GNB2: variants seen among roughly 807,000 people sequenced by gnomAD.
GNB2 encodes G protein subunit beta 2.
Under a neutral mutation model 40.7 loss-of-function variants are expected in GNB2, and 7 were observed. The observed-to-expected ratio is 0.17, with a 90% CI of 0.10 to 0.32. The LOEUF is 0.32. GNB2 is among the 10% of genes least tolerant of loss of function. GNB2 has a pLI of 1.00. For missense variants in GNB2, 286 were observed against 473.0 expected (o/e 0.60, Z 3.67); for synonymous variants, 254 against 191.2 (o/e 1.33, Z -2.71).
Position 100,676,280 on chromosome 7 carries a change from G to A in GNB2, c.15G>A (p.Glu5=). The change falls in exon 2 of 10, where the codon GAG becomes GAA. Residue 5 remains glutamate (E), a synonymous_variant. Transcript: ENST00000303210. MSEL[E]QLRQEAEQLR... is the part of the protein sequence containing the mutation. ...GGCCCGGCGCCATGAGTGAGCTGGA[G>A]CAACTGAGACAGGAGGCCGAGCAGC... The A allele has an allele frequency of 1.9e-6, 3 of 1,607,626 alleles. No individual in the cohort carries two copies. The highest frequency in any genetic ancestry group is 2.5e-6 in the Non-Finnish European group (3 of 1,177,706).
At chr7:100,676,655 C>T in intron 3 of GNB2, 38 bp from the exon 4 acceptor site, 1 of 1,555,294 alleles carries the variant, frequency 6.4e-7, no homozygotes, top group Non-Finnish European at 8.9e-7. Flanking sequence ...AGTCCTGCTG[C>T]CTGGGCCTCC....
In GNB2 at chr7:100,679,059, G is replaced by A. The variant is rs1053040990; in HGVS notation, c.*258G>A. On this transcript the variant is annotated 3_prime_UTR_variant, in exon 10 of 10. Transcript: ENST00000303210. ...GGTTGGGGCCTCACCCCTCTGGAGG[G>A]CCGGAGGCAGGAGGTGGAAACCCCA... is the stretch of plus-strand genomic sequence containing the variant. 32 of 449,798 alleles carry A rather than the reference G, an allele frequency of 7.1e-5. No homozygotes were observed. Among genetic ancestry groups the A allele is most frequent in the African/African-American group, 2.4e-4 (12 of 50,482 alleles). 27.9% of individuals were successfully genotyped at this position (449,798 alleles called of 1,614,324 possible). A position where few individuals can be genotyped will look rare whatever the true frequency, so the allele number is the denominator to read the frequency against.
Position 100,676,224 on chromosome 7 carries a change from G to A in GNB2, c.-42G>A, listed in dbSNP as rs1022651099. 2 of 1,276,170 alleles carry A rather than the reference G, an allele frequency of 1.6e-6. No individual in the cohort carries two copies. The highest frequency in any genetic ancestry group is 2.2e-6 in the Non-Finnish European group (2 of 902,576). 79.1% of individuals were successfully genotyped at this position (1,276,170 alleles called of 1,614,324 possible). A position where few individuals can be genotyped will look rare whatever the true frequency, so the allele number is the denominator to read the frequency against. On this transcript the variant is annotated 5_prime_UTR_variant, in exon 2 of 10. Transcript: ENST00000303210. ...CTGCCTCCCCCAGCCCCCGTCCCGC[G>A]GCCCCCAGCCGCCCCCAACCCTGCC... is the stretch of plus-strand genomic sequence containing the variant.
chr7:100,677,474 C>T, intron 5 of GNB2, 24 bp from the exon 6 acceptor site: 2 of 1,613,024 alleles, frequency 1.2e-6, no homozygotes, highest in East Asian at 2.2e-5. Context: ...TGGCTCTGAC[C>T]CCGGCGCTTC....
chr7:100,676,256 G>C lies in GNB2; in HGVS notation c.-10G>C. 1 of 1,594,936 alleles carries C rather than the reference G, an allele frequency of 6.3e-7. No individual in the cohort carries two copies. Among genetic ancestry groups the C allele is most frequent in the Non-Finnish European group, 8.5e-7 (1 of 1,170,722 alleles). Reference sequence around the variant, plus strand: ...AGCCGCCCCCAACCCTGCCCCACGGGCCCGGCGCCATGAGTGAGCTGGAGC... The same window carrying C: ...AGCCGCCCCCAACCCTGCCCCACGGCCCCGGCGCCATGAGTGAGCTGGAGC... On this transcript the variant is annotated 5_prime_UTR_variant, in exon 2 of 10. Transcript: ENST00000303210.
intron 1 of GNB2, chr7:100,675,712 C>G (rs1441498116): frequency 1.3e-5 from 2 of 153,060 alleles, no homozygotes; most frequent in Non-Finnish European, 2.9e-5. Flanking sequence ...CCTCTGGTCT[C>G]TCCCCCCACC....
chr7:100,678,142 C>G lies in GNB2; in HGVS notation c.542C>G (p.Ala181Gly). Residue 181 changes from alanine (A) to glycine (G), a missense_variant, in exon 8 of 10, where the codon GCT (alanine) becomes GGT (glycine). Transcript: ENST00000303210. Reference sequence around the variant, plus strand: ...ACAGGCCAGCAGACAGTGGGTTTTGCTGGACACAGTGGGGATGTGATGTCC... The same window carrying G: ...ACAGGCCAGCAGACAGTGGGTTTTGGTGGACACAGTGGGGATGTGATGTCC... ...IETGQQTVGF[A>G]GHSGDVMSLS... 6.2e-7 allele frequency: 1 copy of G among 1,614,036 alleles called. No homozygotes were observed. The highest frequency in any genetic ancestry group is 8.5e-7 in the Non-Finnish European group (1 of 1,179,880).
rs770593300 is a variant in GNB2, at chr7:100,677,409, C to G, written c.261C>G (p.Thr87=). ...GKLIIWDSYT[T]NKVHAIPLRS... ...TCATCATCTGGGACAGCTACACCACCAACAAGGTAGGGTGGCGCGGGCTGC... is the reference window on the plus strand; with the variant it reads ...TCATCATCTGGGACAGCTACACCACGAACAAGGTAGGGTGGCGCGGGCTGC... Residue 87 remains threonine, a synonymous_variant, in exon 5 of 10, where the codon ACC becomes ACG. Coordinates refer to ENST00000303210, the MANE Select transcript of GNB2 (RefSeq NM_005273.4). 27 of 1,613,814 alleles carry G rather than the reference C, an allele frequency of 1.7e-5. No individual in the cohort carries two copies. The highest frequency in any genetic ancestry group is 2.1e-5 in the Non-Finnish European group (25 of 1,179,892).
intron 1 of GNB2, among the ~76,000 whole-genome samples, chr7:100,675,052 C>T (rs1255504637): frequency 6.6e-6 from 1 of 151,996 alleles, no homozygotes; most frequent in East Asian, 1.9e-4. Context: ...ACGCCTGGGC[C>T]GGCCAAGTGC....
chr7:100,677,318 A>T (rs760841381), intron 4 of GNB2, 34 bp from the exon 5 acceptor site: 7 of 1,578,408 alleles, frequency 4.4e-6, no homozygotes, highest in Non-Finnish European at 6.1e-6. Flanking sequence ...TTTTCACGCC[A>T]CCCTTCTGCT....
At chr7:100,676,903 T>C (rs2131350216) in intron 4 of GNB2, 104 bp downstream of exon 4, 1 of 675,492 alleles carries the variant, frequency 1.5e-6, no homozygotes, top group East Asian at 2.7e-5. Context: ...ATACCCAGCG[T>C]ACGTCTGGAA....
At position 100,678,995 on chromosome 7, in the gene GNB2, G is replaced by C; in HGVS notation, c.*194G>C. On this transcript the variant is annotated 3_prime_UTR_variant, in exon 10 of 10. Coordinates refer to ENST00000303210, the MANE Select transcript of GNB2 (RefSeq NM_005273.4). ...ATAAGAAGGGGATGGAATGGGGGAA[G>C]AGGAGGAGCAGGAGGCCCTCATCCT... 3.5e-6 allele frequency: 2 copies of C among 578,554 alleles called. No homozygotes were observed. Among genetic ancestry groups the C allele is most frequent in the East Asian group, 2.8e-5 (1 of 35,580 alleles). The allele number at this position is 578,554 out of a possible 1,614,324, so 35.8% of individuals were successfully genotyped here.
intron 2 of GNB2, 40 bp downstream of exon 2, chr7:100,676,362 C>G: frequency 6.5e-7 from 1 of 1,538,818 alleles, no homozygotes; most frequent in South Asian, 1.2e-5. Flanking sequence ...ATGTGTACAC[C>G]GCCCGGTGCC....
intron 1 of GNB2, among the ~76,000 whole-genome samples, chr7:100,674,158 C>T (rs1441919791): frequency 6.6e-6 from 1 of 152,080 alleles, no homozygotes; most frequent in African/African-American, 2.4e-5. Flanking sequence ...TTTGCCCGAC[C>T]CCAGACCCCA....
chr7:100,677,794 T>C lies in GNB2; in HGVS notation c.473T>C (p.Ile158Thr). 6.2e-7 allele frequency: 1 copy of C among 1,613,658 alleles called. No homozygotes were observed. Among genetic ancestry groups the C allele is most frequent in the Non-Finnish European group, 8.5e-7 (1 of 1,179,958 alleles). ...CGCTTCCTGGATGACAACCAAATCATCACCAGCTCTGGGGATACCACCTGG... is the reference window on the plus strand; with the variant it reads ...CGCTTCCTGGATGACAACCAAATCACCACCAGCTCTGGGGATACCACCTGG... ...CCRFLDDNQI[I>T]TSSGDTTCAL... Residue 158 changes from isoleucine to threonine, a missense_variant, in exon 7 of 10, where the codon ATC (isoleucine) becomes ACC (threonine). Ile to Thr is a moderately conservative substitution (Grantham distance 89). Coordinates refer to ENST00000303210, the MANE Select transcript of GNB2 (RefSeq NM_005273.4).
Position 100,676,341 on chromosome 7 carries a change from G to GT in GNB2, c.57+19_57+20insT. The GT allele has an allele frequency of 6.3e-7, 1 of 1,594,038 alleles. No individual in the cohort carries two copies. Among genetic ancestry groups the GT allele is most frequent in the Non-Finnish European group, 8.6e-7 (1 of 1,168,448 alleles). On this transcript the variant is annotated intron_variant, in intron 2 of 9. Coordinates refer to ENST00000303210, the MANE Select transcript of GNB2 (RefSeq NM_005273.4). The stretch of plus-strand genomic sequence containing the variant: ...GATCCGGGTGAGGGCCTGGTGCGGG[G>GT]CGGGCGATTCATGTGTACACCGCCC...
chr7:100,678,153 G>A lies in GNB2; in HGVS notation c.553G>A (p.Gly185Arg). The A allele has an allele frequency of 6.2e-7, 1 of 1,613,944 alleles. No homozygotes were observed. Residue 185 changes from glycine (G) to arginine (R), a missense_variant, in exon 8 of 10, where the codon GGG (glycine) becomes AGG (arginine). Transcript: ENST00000303210. ...GACAGTGGGTTTTGCTGGACACAGTGGGGATGTGATGTCCCTGTCCCTGGC... is the reference window on the plus strand; with the variant it reads ...GACAGTGGGTTTTGCTGGACACAGTAGGGATGTGATGTCCCTGTCCCTGGC... ...QQTVGFAGHS[G>R]DVMSLSLAPD...
chr7:100,677,309 T>C, intron 4 of GNB2, 43 bp from the exon 5 acceptor site: 1 of 1,545,916 alleles, frequency 6.5e-7, no homozygotes, highest in South Asian at 1.1e-5. Context: ...TGTGTCTTGT[T>C]TTCACGCCAC....
At chr7:100,675,253 G>C (rs1804324227) in intron 1 of GNB2, 2 of 151,784 alleles carry the variant, frequency 1.3e-5, no homozygotes, top group Admixed American at 1.3e-4. Flanking sequence ...TCCGCGCCTC[G>C]GGGCCGGGGA....
Sources: gnomAD v4.1 joint callset for allele counts (sites outside exome capture counted in the v4.1 genomes callset) on GRCh38, gnomAD v4.1.1 for gene constraint, MANE v1.5 for transcripts, NCBI Gene and HGNC (gene_info 2026-07-23, HGNC 2026-07-21) for gene names.